Variants in ZNF423 observed in about 807,000 individuals in gnomAD.
ZNF423 encodes zinc finger protein 423, also known as Ebf-associated zinc finger protein.
A neutral mutation model predicts 95.8 loss-of-function variants in ZNF423; 12 were observed. That is an observed-to-expected ratio of 0.13 (90% CI 0.08 to 0.20). The LOEUF is 0.20. Ranked by LOEUF, ZNF423 falls within the 10% of genes least tolerant of loss-of-function variation. The pLI is 1.00. For missense variants in ZNF423, 1,316 were observed against 1,737.1 expected (o/e 0.76, Z 4.31); for synonymous variants, 749 against 711.9 (o/e 1.05, Z -0.83).
chr16:49,562,881 C>A (rs558105986), intron 5 of ZNF423, among the ~76,000 whole-genome samples: 1 of 151,990 alleles, frequency 6.6e-6, no homozygotes, highest in African/African-American at 2.4e-5. Flanking sequence ...TGGGTTCAAG[C>A]GATTCTCCTG....
chr16:49,620,200 T>G (rs144989514), intron 5 of ZNF423, among the ~76,000 whole-genome samples: 2 of 134,710 alleles, frequency 1.5e-5, no homozygotes, highest in Non-Finnish European at 3.2e-5. Context: ...CACATACACA[T>G]ACACACACAG....
Position 49,570,399 on chromosome 16 carries a change from C to T in ZNF423, c.3602-44905G>A, listed in dbSNP as rs143123413. Among the ~76,000 whole-genome samples, 607 of 152,244 alleles carry T rather than the reference C, an allele frequency of 4.0e-3. 1 individual carries two copies. The highest frequency in any genetic ancestry group is 0.01 in the Middle Eastern group (3 of 294). On this transcript the variant is annotated intron_variant, in intron 5 of 7. Coordinates refer to ENST00000563137, the MANE Select transcript of ZNF423 (RefSeq NM_001379286.1). ...TTAATTGCACCATGGCCACAGAGCACCACAGAGCTAAAAATTAAAGCCCAT... is the reference window on the plus strand; with the variant it reads ...TTAATTGCACCATGGCCACAGAGCATCACAGAGCTAAAAATTAAAGCCCAT...
chr16:49,606,732 G>C (rs981193870), intron 5 of ZNF423, among the ~76,000 whole-genome samples: 1 of 152,192 alleles, frequency 6.6e-6, no homozygotes, highest in African/African-American at 2.4e-5. Context: ...TGATCACAGG[G>C]GCCCTGGGAT....
chr16:49,579,057 C>A (rs1233534598), intron 5 of ZNF423, among the ~76,000 whole-genome samples: 1 of 152,088 alleles, frequency 6.6e-6, no homozygotes, highest in Non-Finnish European at 1.5e-5. Flanking sequence ...CTCCATGTTC[C>A]CCAGGATGCA....
intron 3 of ZNF423, among the ~76,000 whole-genome samples, chr16:49,671,899 G>C (rs1358326312): frequency 6.6e-6 from 1 of 152,050 alleles, no homozygotes; most frequent in African/African-American, 2.4e-5. Context: ...TGCCCAGGCT[G>C]GTCTCAAACT....
At chr16:49,822,554 C>T (rs907739302) in intron 1 of ZNF423, 2 of 738,726 alleles carry the variant, frequency 2.7e-6, no homozygotes, top group Non-Finnish European at 4.2e-6. Context: ...AGGCCCCTAG[C>T]TGAGTCAGAA....
intron 3 of ZNF423, among the ~76,000 whole-genome samples, chr16:49,666,804 A>C (rs1167623298): frequency 6.6e-6 from 1 of 152,214 alleles, no homozygotes; most frequent in South Asian, 2.1e-4. Flanking sequence ...TCTCTACGCA[A>C]CTTGCCACCT....
At chr16:49,853,701 C>A in intron 1 of ZNF423, 1 of 985,376 alleles carries the variant, frequency 1.0e-6, no homozygotes, top group Non-Finnish European at 1.2e-6. Flanking sequence ...AGGCTCATTT[C>A]ATGAAAGGCT....
At chr16:49,721,646 C>T (rs990889641) in intron 3 of ZNF423, among the ~76,000 whole-genome samples, 2 of 152,140 alleles carry the variant, frequency 1.3e-5, no homozygotes, top group African/African-American at 4.8e-5. Context: ...CCCATCGTGC[C>T]AGGCGCCACA....
At chr16:49,720,183 T>C (rs2032825631) in intron 3 of ZNF423, among the ~76,000 whole-genome samples, 1 of 152,096 alleles carries the variant, frequency 6.6e-6, no homozygotes, top group Non-Finnish European at 1.5e-5. Context: ...TTCTATGAAG[T>C]TTGTTAGAAT....
intron 1 of ZNF423, chr16:49,854,840 C>T (rs2035341295): frequency 1.0e-6 from 1 of 985,250 alleles, no homozygotes. Context: ...GTGTGTGTAT[C>T]TATATATCTG....
At chr16:49,513,699 T>G (rs1967998871) in intron 7 of ZNF423, among the ~76,000 whole-genome samples, 1 of 151,930 alleles carries the variant, frequency 6.6e-6, no homozygotes, top group Non-Finnish European at 1.5e-5. Context: ...AAGGGTGTCT[T>G]CACTCTCCAA....
chr16:49,757,243 A>G (rs963707755), intron 2 of ZNF423, among the ~76,000 whole-genome samples: 6 of 152,148 alleles, frequency 3.9e-5, no homozygotes, highest in African/African-American at 1.4e-4. Context: ...TCCTGTTTCC[A>G]TGTGCTATTG....
intron 2 of ZNF423, among the ~76,000 whole-genome samples, chr16:49,768,343 CA>C (rs1344246032): frequency 6.6e-6 from 1 of 152,228 alleles, no homozygotes; most frequent in East Asian, 1.9e-4. Flanking sequence ...TGGTTTCAAG[CA>C]AAGGCTGTTT....
chr16:49,534,202 C>T (rs937920341), intron 5 of ZNF423, among the ~76,000 whole-genome samples: 184 of 152,084 alleles, frequency 1.2e-3, no homozygotes, highest in African/African-American at 4.2e-3. Flanking sequence ...CATAATGCTA[C>T]CACCACAACT....
chr16:49,572,203 T>C (rs911614859), intron 5 of ZNF423, among the ~76,000 whole-genome samples: 2 of 152,128 alleles, frequency 1.3e-5, no homozygotes, highest in African/African-American at 4.8e-5. Context: ...AAATCTGCTA[T>C]GAGCAGGAGA....
At chr16:49,729,940 A>G (rs960556345) in intron 3 of ZNF423, among the ~76,000 whole-genome samples, 1 of 152,014 alleles carries the variant, frequency 6.6e-6, no homozygotes, top group African/African-American at 2.4e-5. Context: ...TCTTCCACAA[A>G]CCAGTATCCA....
chr16:49,641,774 C>A (rs1219083309), intron 3 of ZNF423, among the ~76,000 whole-genome samples: 1 of 152,168 alleles, frequency 6.6e-6, no homozygotes. Context: ...CACTATTATG[C>A]CACTGACATG....
At chr16:49,722,838 C>T (rs2032904769) in intron 3 of ZNF423, among the ~76,000 whole-genome samples, 1 of 152,156 alleles carries the variant, frequency 6.6e-6, no homozygotes, top group South Asian at 2.1e-4. Context: ...TGGAACACAA[C>T]CTGACCAGTG....
Sources: allele counts gnomAD v4.1 joint callset (sites outside exome capture counted in the v4.1 genomes callset), GRCh38; gene constraint gnomAD v4.1.1; transcripts MANE v1.5; gene names NCBI Gene and HGNC (gene_info 2026-07-23, HGNC 2026-07-21).